TMCO1: variants seen among roughly 807,000 people sequenced by gnomAD.
TMCO1 encodes calcium load-activated calcium channel.
TMCO1 carries 29 observed loss-of-function variants against 29.3 expected under a neutral mutation model. That is an observed-to-expected ratio of 0.99 (90% CI 0.74 to 1.35). The LOEUF is 1.35. TMCO1 is among the 40% of genes most tolerant of loss of function. The pLI is 0.00. For synonymous variants in TMCO1, 80 were observed against 77.1 expected (o/e 1.04, Z -0.20); for missense variants, 173 against 225.5 (o/e 0.77, Z 1.49).
intron 6 of TMCO1, among the ~76,000 whole-genome samples, chr1:165,730,611 C>T (rs1651119411): frequency 1.3e-5 from 2 of 152,148 alleles, no homozygotes; most frequent in Non-Finnish European, 2.9e-5. Flanking sequence ...ATTTCTTTTT[C>T]TGAGACGTGG....
chr1:165,746,769 C>G (rs1651814648), intron 5 of TMCO1, among the ~76,000 whole-genome samples: 1 of 152,064 alleles, frequency 6.6e-6, no homozygotes, highest in Non-Finnish European at 1.5e-5. Context: ...TAACCCTCTT[C>G]TGGTTGTTCT....
chr1:165,745,546 C>T (rs1391915794), intron 5 of TMCO1, among the ~76,000 whole-genome samples: 1 of 149,492 alleles, frequency 6.7e-6, no homozygotes, highest in African/African-American at 2.5e-5. Flanking sequence ...ACTCAGGAGG[C>T]TAAGGTAGGG....
chr1:165,729,590 G>T (rs1651063036), intron 6 of TMCO1, among the ~76,000 whole-genome samples: 1 of 152,076 alleles, frequency 6.6e-6, no homozygotes, highest in African/African-American at 2.4e-5. Context: ...AAAGTGCTGG[G>T]ATTACAGGCA....
At chr1:165,758,074 T>C (rs1360912830) in intron 3 of TMCO1, among the ~76,000 whole-genome samples, 1 of 152,166 alleles carries the variant, frequency 6.6e-6, no homozygotes, top group South Asian at 2.1e-4. Flanking sequence ...CTGTCCCCCA[T>C]CATGCCACTG....
At chr1:165,763,120 T>C (rs538078175) in intron 2 of TMCO1, among the ~76,000 whole-genome samples, 9 of 152,312 alleles carry the variant, frequency 5.9e-5, no homozygotes, top group Non-Finnish European at 2.9e-5. Context: ...AAGTAACCTG[T>C]ATCAAATTCT....
intron 6 of TMCO1, among the ~76,000 whole-genome samples, chr1:165,733,863 T>C (rs1392885673): frequency 6.6e-6 from 1 of 152,168 alleles, no homozygotes; most frequent in Non-Finnish European, 1.5e-5. Context: ...ACCTGAAAAA[T>C]ACAAACACAG....
At chr1:165,761,035 C>T (rs1472595557) in intron 2 of TMCO1, among the ~76,000 whole-genome samples, 4 of 152,132 alleles carry the variant, frequency 2.6e-5, no homozygotes, top group Admixed American at 2.6e-4. Context: ...TCCCTTAGTA[C>T]ATGAAGTTTG....
At chr1:165,759,737 T>C (rs1246040436) in intron 2 of TMCO1, among the ~76,000 whole-genome samples, 153 bp from the exon 3 acceptor site, 1 of 152,180 alleles carries the variant, frequency 6.6e-6, no homozygotes, top group Non-Finnish European at 1.5e-5. Flanking sequence ...TCCACTCTCA[T>C]AGCTACTGAT....
intron 5 of TMCO1, among the ~76,000 whole-genome samples, chr1:165,747,380 T>C (rs952226306): frequency 4.6e-5 from 7 of 151,126 alleles, no homozygotes; most frequent in African/African-American, 1.5e-4. Context: ...ACAGAAAGTA[T>C]ATAAAATAGA....
At chr1:165,725,014 CTCTCTCTCTCTATA>C (rs752168834), downstream of TMCO1, 8,843 of 194,056 alleles carry the variant, frequency 0.046, 186 homozygotes, top group African/African-American at 0.067. Context: ...CTCTCTCTCT[CTCTCTCTCTCTATA>C]TATATATATA....
At position 165,743,272 on chromosome 1, in the gene TMCO1, A is replaced by G. The variant is rs1450453193; in HGVS notation, c.363T>C (p.Pro121=). The part of the protein sequence containing the change: ...GRVVAKLPFT[P]LSYIQGLSHR... ...GAGACAGTCCTTGGATGTAAGAAAG[A>G]GGGGTAAAAGGAAGCTTTGCCACCA... Residue 121 remains proline, a synonymous_variant, in exon 6 of 7, where the codon CCT becomes CCC. Coordinates refer to ENST00000367881, the MANE Select transcript of TMCO1 (RefSeq NM_019026.6). 2 of 1,613,172 alleles carry G rather than the reference A, an allele frequency of 1.2e-6. No individual in the cohort carries two copies. Among genetic ancestry groups the G allele is most frequent in the Admixed American group, 1.7e-5 (1 of 59,944 alleles).
chr1:165,725,715 A>G (rs946629294), downstream of TMCO1: 5 of 454,112 alleles, frequency 1.1e-5, no homozygotes, highest in African/African-American at 1.0e-4. Context: ...AAATTTCTTC[A>G]GGACAAGAAA....
intron 5 of TMCO1, among the ~76,000 whole-genome samples, chr1:165,745,823 T>A (rs745407018): frequency 6.6e-6 from 1 of 152,172 alleles, no homozygotes; most frequent in Non-Finnish European, 1.5e-5. Context: ...TTTTTTTAAA[T>A]GTACAGGGTA....
chr1:165,726,419 TGAG>T (rs1275960698), downstream of TMCO1: 1 of 615,374 alleles, frequency 1.6e-6, no homozygotes, highest in East Asian at 3.2e-5. Flanking sequence ...GGAGATGGGA[TGAG>T]AAGAGAATCA....
At chr1:165,737,651 T>C (rs1290673243) in intron 6 of TMCO1, among the ~76,000 whole-genome samples, 1 of 152,136 alleles carries the variant, frequency 6.6e-6, no homozygotes, top group African/African-American at 2.4e-5. Flanking sequence ...TGAAGAACTT[T>C]TCAGAAACAA....
intron 6 of TMCO1, among the ~76,000 whole-genome samples, chr1:165,732,505 C>CTCTA (rs969853408): frequency 2.4e-4 from 32 of 133,826 alleles, no homozygotes; most frequent in South Asian, 4.9e-4. Context: ...CTCTCTCTCT[C>CTCTA]TATATATATA....
Position 165,768,707 on chromosome 1 carries a change from A to G in TMCO1, c.45T>C (p.Ser15=). Reference sequence around the variant, plus strand: ...CCTCTGCGAGCAGAGCCGTGCACACAGAGATAAAAACGATGAGGAGAGTGT... The same window carrying G: ...CCTCTGCGAGCAGAGCCGTGCACACGGAGATAAAAACGATGAGGAGAGTGT... ...FADTLLIVFI[S]VCTALLAEGI... The change falls in exon 1 of 7, where the codon TCT becomes TCC. Residue 15 remains serine (S), a synonymous_variant. Transcript: ENST00000367881. The G allele has an allele frequency of 6.2e-7, 1 of 1,614,088 alleles. No homozygotes were observed. The highest frequency in any genetic ancestry group is 8.5e-7 in the Non-Finnish European group (1 of 1,180,006).
chr1:165,746,262 T>C (rs1558035552), intron 5 of TMCO1, among the ~76,000 whole-genome samples: 1 of 149,800 alleles, frequency 6.7e-6, no homozygotes, highest in Non-Finnish European at 1.5e-5. Context: ...TGAGCCGAGA[T>C]TGTGCCACTG....
Position 165,746,242 on chromosome 1 carries a change from G to C in TMCO1, c.324-2931C>G, listed in dbSNP as rs28735603. On this transcript the variant is annotated intron_variant, in intron 5 of 6. Transcript: ENST00000367881. ...AAGAATTGCTTGAATGCAGGAGGCG[G>C]AGGTCGTAGTGAGCCGAGATTGTGC... 7.4e-3 allele frequency among the ~76,000 whole-genome samples: 1,120 copies of C among 151,266 alleles called. 24 individuals are homozygous for C. Among genetic ancestry groups the C allele is most frequent in the South Asian group, 0.05 (238 of 4,790 alleles).
Sources: gnomAD v4.1 joint callset for allele counts (sites outside exome capture counted in the v4.1 genomes callset) on GRCh38, gnomAD v4.1.1 for gene constraint, MANE v1.5 for transcripts, NCBI Gene and HGNC (gene_info 2026-07-23, HGNC 2026-07-21) for gene names.